The following FRMD4B variants were observed in gnomAD, a reference collection of about 807,000 sequenced individuals.
FRMD4B encodes FERM domain-containing protein 4B.
In FRMD4B, 74 loss-of-function variants were observed where a neutral mutation model predicts 141.5. The observed-to-expected ratio is 0.52, with a 90% CI of 0.43 to 0.63. The LOEUF (loss-of-function observed/expected upper bound fraction) is 0.63, where lower values mean the gene tolerates loss of function less well. FRMD4B is among the 30% of genes least tolerant of loss of function. The probability of loss-of-function intolerance (pLI) is 0.00; values close to 1 mark genes in which losing one functional copy is unlikely to be tolerated. For synonymous variants in FRMD4B, 506 were observed against 467.9 expected (o/e 1.08, Z -1.05); for missense variants, 1,366 against 1,253.4 (o/e 1.09, Z -1.36).
At chr3:69,459,655 A>G (rs889401786) in intron 1 of FRMD4B, among the ~76,000 whole-genome samples, 1 of 152,212 alleles carries the variant, frequency 6.6e-6, no homozygotes, top group African/African-American at 2.4e-5. Flanking sequence ...CTTGGGCAAA[A>G]CAATGAACCA....
intron 1 of FRMD4B, among the ~76,000 whole-genome samples, chr3:69,504,684 C>T (rs1157092178): frequency 6.6e-6 from 1 of 152,106 alleles, no homozygotes; most frequent in Non-Finnish European, 1.5e-5. Context: ...AACAGATATA[C>T]CACATTTTAT....
At chr3:69,201,679 G>T (rs978689068) in intron 11 of FRMD4B, among the ~76,000 whole-genome samples, 1 of 152,154 alleles carries the variant, frequency 6.6e-6, no homozygotes, top group African/African-American at 2.4e-5. Flanking sequence ...TTCTCCTACT[G>T]TGTTTTTTAT....
At chr3:69,384,897 G>C (rs1704212115) in intron 1 of FRMD4B, among the ~76,000 whole-genome samples, 1 of 152,084 alleles carries the variant, frequency 6.6e-6, no homozygotes, top group African/African-American at 2.4e-5. Context: ...GGGTCAAATG[G>C]GGGGAAATCC....
chr3:69,540,428 C>T lies in FRMD4B; in HGVS notation c.-129+1778G>A, dbSNP rs899069535. The stretch of plus-strand genomic sequence containing the variant: ...AGGAGATGGCGACCAGCCTGGCTAA[C>T]GCTGTGAAGCCCCGTCTCTATTAAA... On this transcript the variant is annotated intron_variant, in intron 1 of 5. Transcript: ENST00000459638. Among the ~76,000 whole-genome samples the T allele has an allele frequency of 7.3e-5, 11 of 151,006 alleles. No individual in the cohort carries two copies. The East Asian group carries it at 2.1e-3, about 30-fold the overall frequency.
chr3:69,413,145 G>T (rs7616625), intron 2 of FRMD4B, among the ~76,000 whole-genome samples: 100,518 of 151,882 alleles, frequency 0.66, 33,658 homozygotes, highest in East Asian at 0.86. Flanking sequence ...GTTGAACGAC[G>T]GGATTAAAGA....
In FRMD4B at chr3:69,349,301, C is replaced by A. The variant is rs539536370; in HGVS notation, c.163-35784G>T. Among the ~76,000 whole-genome samples the A allele has an allele frequency of 2.0e-4, 31 of 152,254 alleles. No individual in the cohort carries two copies. In the South Asian group the frequency reaches 6.2e-3, roughly 31 times the overall value. On this transcript the variant is annotated intron_variant, in intron 1 of 22. Transcript: ENST00000398540. The stretch of plus-strand genomic sequence containing the variant: ...AGACCTCTTCAAGGAGAACTACAAA[C>A]CACTGCTCAATGAAATAAAAGAGGA...
At chr3:69,397,226 T>A (rs1349317210) in intron 2 of FRMD4B, among the ~76,000 whole-genome samples, 2 of 152,102 alleles carry the variant, frequency 1.3e-5, no homozygotes, top group African/African-American at 4.8e-5. Flanking sequence ...GGATGAATAC[T>A]GAAAACATAA....
intron 1 of FRMD4B, among the ~76,000 whole-genome samples, chr3:69,336,203 C>G (rs1046277504): frequency 6.6e-6 from 1 of 152,126 alleles, no homozygotes; most frequent in Admixed American, 6.5e-5. Context: ...GAACAAGAGA[C>G]AAGCTTAGAG....
intron 1 of FRMD4B, among the ~76,000 whole-genome samples, chr3:69,352,482 A>T (rs1412851226): frequency 6.6e-6 from 1 of 152,124 alleles, no homozygotes; most frequent in East Asian, 1.9e-4. Flanking sequence ...CACTTCCTCT[A>T]CAGACTTCCT....
intron 1 of FRMD4B, among the ~76,000 whole-genome samples, chr3:69,460,173 C>T (rs1559534079): frequency 6.6e-6 from 1 of 152,162 alleles, no homozygotes; most frequent in Non-Finnish European, 1.5e-5. Context: ...GCTTTATACT[C>T]AGATGGTGCC....
chr3:69,353,120 G>C (rs1703205289), intron 1 of FRMD4B, among the ~76,000 whole-genome samples: 1 of 151,906 alleles, frequency 6.6e-6, no homozygotes, highest in African/African-American at 2.4e-5. Flanking sequence ...GAAAAAAGGA[G>C]AGTGGTGGGA....
chr3:69,473,488 T>C (rs1705930118), intron 1 of FRMD4B, among the ~76,000 whole-genome samples: 1 of 152,204 alleles, frequency 6.6e-6, no homozygotes, highest in African/African-American at 2.4e-5. Context: ...GGAGATTTGA[T>C]TGTCTCCCAC....
At chr3:69,505,665 T>C (rs965797686) in intron 1 of FRMD4B, among the ~76,000 whole-genome samples, 1 of 152,224 alleles carries the variant, frequency 6.6e-6, no homozygotes, top group African/African-American at 2.4e-5. Flanking sequence ...CCAAGTATCA[T>C]TAGGCTCATA....
intron 1 of FRMD4B, among the ~76,000 whole-genome samples, chr3:69,384,028 G>A (rs749829892): frequency 3.7e-4 from 56 of 151,726 alleles, no homozygotes; most frequent in Non-Finnish European, 6.8e-4. Flanking sequence ...TCAAACTCCT[G>A]GGCTCAAGGG....
chr3:69,282,435 A>G (rs1443416781), intron 5 of FRMD4B, among the ~76,000 whole-genome samples: 1 of 152,194 alleles, frequency 6.6e-6, no homozygotes, highest in African/African-American at 2.4e-5. Context: ...TTGCCAATCA[A>G]TAAATCCACC....
rs1377232993 is a variant in FRMD4B at position 69,195,097 on chromosome 3, G to A, written c.1413C>T (p.Gly471=). The A allele has an allele frequency of 1.9e-6, 3 of 1,613,574 alleles. No homozygotes were observed. The highest frequency in any genetic ancestry group is 1.3e-5 in the African/African-American group (1 of 74,918). The stretch of plus-strand genomic sequence containing the variant: ...GTCTTCTGACCTGAGGAGGCTTCTC[G>A]CCTATGTTCAGGGGATACTCCTTTG... ...KMPKEYPLNI[G]EKPPQVRRRV... The change falls in exon 16 of 23, where the codon GGC becomes GGT. Residue 471 remains glycine, a synonymous_variant. Coordinates refer to ENST00000398540, the MANE Select transcript of FRMD4B (RefSeq NM_015123.3).
chr3:69,344,848 C>T (rs189660252), intron 1 of FRMD4B, among the ~76,000 whole-genome samples: 9 of 152,106 alleles, frequency 5.9e-5, no homozygotes, highest in Admixed American at 5.9e-4. Flanking sequence ...AAAAAACAAC[C>T]ACAGGGGCAG....
intron 11 of FRMD4B, among the ~76,000 whole-genome samples, chr3:69,209,468 C>T (rs2093055540): frequency 6.6e-6 from 1 of 152,126 alleles, no homozygotes; most frequent in African/African-American, 2.4e-5. Flanking sequence ...AACTCACTAA[C>T]TCATTGGGTC....
chr3:69,184,713 A>G (rs2092746184), intron 19 of FRMD4B, among the ~76,000 whole-genome samples: 1 of 152,196 alleles, frequency 6.6e-6, no homozygotes, highest in Non-Finnish European at 1.5e-5. Flanking sequence ...TTTCCCTAAC[A>G]TAAGAAGCAC....
Sources: allele counts gnomAD v4.1 joint callset (sites outside exome capture counted in the v4.1 genomes callset), GRCh38; gene constraint gnomAD v4.1.1; transcripts MANE v1.5; gene names NCBI Gene and HGNC (gene_info 2026-07-23, HGNC 2026-07-21).